The following SCG3 variants were observed in gnomAD, a reference collection of about 807,000 sequenced individuals.
The protein encoded by SCG3 is secretogranin-3.
In SCG3, 38 loss-of-function variants were observed where a neutral mutation model predicts 56.2. The ratio of observed to expected loss-of-function variants is 0.68; its 90% CI spans 0.52 to 0.89. SCG3 has a LOEUF of 0.89. Ranked by LOEUF, SCG3 falls within the 40% of genes least tolerant of loss-of-function variation. The pLI, the probability that SCG3 is intolerant of heterozygous loss-of-function variation, is 0.00. For missense variants in SCG3, 524 were observed against 540.7 expected, an observed-to-expected ratio of 0.97 and a Z score of 0.31; for synonymous variants, 176 against 184.2, an observed-to-expected ratio of 0.96 and a Z score of 0.36.
intron 4 of SCG3, among the ~76,000 whole-genome samples, chr15:51,687,644 T>C (rs969172009): frequency 6.6e-6 from 1 of 152,258 alleles, no homozygotes; most frequent in African/African-American, 2.4e-5. Context: ...AAGATCCCTG[T>C]TCTCTAAGGA....
chr15:51,695,749 A>G, intron 7 of SCG3, 126 bp from the exon 8 acceptor site: 1 of 622,318 alleles, frequency 1.6e-6, no homozygotes, highest in Non-Finnish European at 2.8e-6. Flanking sequence ...CCACACAGTG[A>G]GACCTCGTCT....
At chr15:51,685,159 A>G (rs2055220518) in intron 4 of SCG3, among the ~76,000 whole-genome samples, 1 of 152,208 alleles carries the variant, frequency 6.6e-6, no homozygotes. Context: ...TTATATTTTG[A>G]CATATATCAT....
At chr15:51,693,119 A>G (rs987079224) in intron 7 of SCG3, 1 of 152,182 alleles carries the variant, frequency 6.6e-6, no homozygotes, top group Non-Finnish European at 1.5e-5. Context: ...GATTCTACAT[A>G]TAAGTGAGAT....
At chr15:51,701,270 GCAA>G in intron 10 of SCG3, 26 bp downstream of exon 10, 1 of 1,541,276 alleles carries the variant, frequency 6.5e-7, no homozygotes, top group Non-Finnish European at 8.7e-7. Flanking sequence ...CTCTAGGTTA[GCAA>G]TGAAATTGGG....
chr15:51,715,861 CTTT>C (rs34085691), intron 11 of SCG3, among the ~76,000 whole-genome samples: 1 of 145,096 alleles, frequency 6.9e-6, no homozygotes. Flanking sequence ...GGAGTCTGCA[CTTT>C]TTTTTTTTTT....
intron 10 of SCG3, among the ~76,000 whole-genome samples, chr15:51,712,059 C>A (rs2055424254): frequency 1.3e-5 from 2 of 152,138 alleles, no homozygotes; most frequent in African/African-American, 4.8e-5. Context: ...ACTTGTTAGT[C>A]ATGTGATTAT....
intron 4 of SCG3, among the ~76,000 whole-genome samples, chr15:51,684,519 G>A (rs899309757): frequency 7.9e-5 from 12 of 152,226 alleles, no homozygotes; most frequent in African/African-American, 2.9e-4. Flanking sequence ...AAGGGCTGCA[G>A]TGAGCCAAGA....
chr15:51,705,706 G>A (rs922052403), intron 10 of SCG3, among the ~76,000 whole-genome samples: 4 of 152,090 alleles, frequency 2.6e-5, no homozygotes. Context: ...ATTTTTAGTA[G>A]ACATGGGGTT....
At chr15:51,698,452 T>C (rs2141568893) in intron 8 of SCG3, among the ~76,000 whole-genome samples, 1 of 152,276 alleles carries the variant, frequency 6.6e-6, no homozygotes, top group East Asian at 1.9e-4. Context: ...AGTAGGGAAA[T>C]GCTCCTTAAT....
chr15:51,713,644 A>C (rs2055435347), intron 11 of SCG3, among the ~76,000 whole-genome samples: 2 of 152,228 alleles, frequency 1.3e-5, no homozygotes, highest in Non-Finnish European at 2.9e-5. Context: ...TATTAGGAAA[A>C]ATGTCAAGCA....
At chr15:51,686,181 A>C (rs763363625) in intron 4 of SCG3, among the ~76,000 whole-genome samples, 6 of 152,216 alleles carry the variant, frequency 3.9e-5, no homozygotes, top group Non-Finnish European at 7.4e-5. Flanking sequence ...TGGAGGGTGA[A>C]ATACCCCTTC....
intron 10 of SCG3, among the ~76,000 whole-genome samples, chr15:51,709,026 G>T (rs542044302): frequency 1.1e-4 from 16 of 152,110 alleles, no homozygotes; most frequent in Non-Finnish European, 2.1e-4. Context: ...CTCTCACGCT[G>T]CTAATAAATA....
At chr15:51,686,751 T>C (rs987740964) in intron 4 of SCG3, among the ~76,000 whole-genome samples, 11 of 146,820 alleles carry the variant, frequency 7.5e-5, no homozygotes, top group Admixed American at 3.3e-4. Flanking sequence ...CTTTTTTGTC[T>C]CTCTGGTACT....
chr15:51,694,502 C>T (rs1002307362), intron 7 of SCG3, among the ~76,000 whole-genome samples: 5 of 151,878 alleles, frequency 3.3e-5, no homozygotes, highest in Admixed American at 6.6e-5. Flanking sequence ...ACCATATCTG[C>T]GGGGGAGGAT....
chr15:51,709,692 TATATA>T (rs1567222299), intron 10 of SCG3, among the ~76,000 whole-genome samples: 4 of 18,504 alleles, frequency 2.2e-4, no homozygotes, highest in African/African-American at 5.6e-4. Context: ...TATATATATA[TATATA>T]TATATTTTTT....
chr15:51,695,732 G>A, intron 7 of SCG3, 143 bp from the exon 8 acceptor site: 1 of 594,728 alleles, frequency 1.7e-6, no homozygotes, highest in Non-Finnish European at 3.0e-6. Flanking sequence ...CTGCATTCCA[G>A]CCTGGGCCAC....
rs762578866 is a variant in SCG3, at chr15:51,692,261, A to C, written c.793A>C (p.Thr265Pro). 1 of 1,614,116 alleles carries C rather than the reference A, an allele frequency of 6.2e-7. No individual in the cohort carries two copies. The highest frequency in any genetic ancestry group is 1.1e-5 in the South Asian group (1 of 91,080). Residue 265 changes from threonine to proline, a missense_variant, in exon 7 of 12, where the codon ACC becomes CCC. Coordinates refer to ENST00000220478, the MANE Select transcript of SCG3 (RefSeq NM_013243.4). ...AAATGGCTTGGAAAGGAGAACTAAA[A>C]CCTACAGTGAAGACAACTTTGAGGA... ...LTNGLERRTK[T>P]YSEDNFEELQ...
At chr15:51,695,560 G>GT in intron 7 of SCG3, 1 of 182,616 alleles carries the variant, frequency 5.5e-6, no homozygotes, top group Non-Finnish European at 1.1e-5. Context: ...AATATATATG[G>GT]TTTTAGCTAT....
At chr15:51,706,146 G>C (rs761269994) in intron 10 of SCG3, among the ~76,000 whole-genome samples, 7 of 152,174 alleles carry the variant, frequency 4.6e-5, no homozygotes, top group Non-Finnish European at 1.0e-4. Context: ...AACCCAGTGA[G>C]AAAACACCCA....
Sources: allele counts gnomAD v4.1 joint callset (sites outside exome capture counted in the v4.1 genomes callset), GRCh38; gene constraint gnomAD v4.1.1; transcripts MANE v1.5; gene names NCBI Gene and HGNC (gene_info 2026-07-23, HGNC 2026-07-21).